The following RAPH1 variants were observed in gnomAD, a reference collection of about 807,000 sequenced individuals.
RAPH1 encodes the protein ras-associated and pleckstrin homology domains-containing protein 1.
In RAPH1, 18 loss-of-function variants were observed where a neutral mutation model predicts 88.1. The ratio of observed to expected loss-of-function variants is 0.20; its 90% CI spans 0.14 to 0.30. The LOEUF is 0.30. Among genes scored for constraint, RAPH1 ranks in the 10% least tolerant of loss-of-function variants. The probability of loss-of-function intolerance (pLI) is 1.00; values close to 1 mark genes in which losing one functional copy is unlikely to be tolerated. For missense variants in RAPH1, 1,448 were observed against 1,543.2 expected, an observed-to-expected ratio of 0.94 and a Z score of 1.03; for synonymous variants, 587 against 559.0, an observed-to-expected ratio of 1.05 and a Z score of -0.71.
rs1398874159 is a variant in RAPH1, at chr2:203,438,647, A to G, written c.*790T>C. ...TCCAGAATTATAGCACTAATTATCC[A>G]TGTATTGTAGGCAAAGAGCTTATCT... On this transcript the variant is annotated 3_prime_UTR_variant, in exon 14 of 14. Coordinates refer to ENST00000319170, the MANE Select transcript of RAPH1 (RefSeq NM_213589.3). 6.1e-6 allele frequency: 1 copy of G among 164,390 alleles called. No individual in the cohort carries two copies. Among genetic ancestry groups the G allele is most frequent in the African/African-American group, 2.4e-5 (1 of 41,562 alleles). The allele number at this position is 164,390 out of a possible 1,614,324, so 10.2% of individuals were successfully genotyped here.
At chr2:203,480,409 G>A (rs1444413009) in intron 4 of RAPH1, among the ~76,000 whole-genome samples, 1 of 152,182 alleles carries the variant, frequency 6.6e-6, no homozygotes, top group African/African-American at 2.4e-5. Context: ...CAGGCCGGGT[G>A]TGGTGGTGCG....
At chr2:203,529,930 G>A (rs1477486264) in intron 1 of RAPH1, among the ~76,000 whole-genome samples, 2 of 151,972 alleles carry the variant, frequency 1.3e-5, no homozygotes, top group African/African-American at 4.8e-5. Context: ...TGGTCCCTGC[G>A]TCTTCAGTGT....
intron 1 of RAPH1, among the ~76,000 whole-genome samples, chr2:203,533,977 C>A (rs901693663): frequency 6.6e-6 from 1 of 152,204 alleles, no homozygotes; most frequent in Non-Finnish European, 1.5e-5. Flanking sequence ...GTTTCCCCCA[C>A]TCCGAAGAGC....
chr2:203,445,500 CTAGTGCGAAGTGTG>C (rs2098508662), intron 12 of RAPH1: 1 of 153,406 alleles, frequency 6.5e-6, no homozygotes, highest in Non-Finnish European at 1.4e-5. Flanking sequence ...ATTTGACCCT[CTAGTGCGAAGTGTG>C]TTTCCTAGGG....
At chr2:203,509,598 T>A (rs901982005) in intron 1 of RAPH1, among the ~76,000 whole-genome samples, 3 of 152,218 alleles carry the variant, frequency 2.0e-5, no homozygotes, top group Non-Finnish European at 4.4e-5. Context: ...GCATTATTCA[T>A]TAACATATTT....
intron 1 of RAPH1, among the ~76,000 whole-genome samples, chr2:203,523,366 C>T (rs1230731782): frequency 6.8e-6 from 1 of 147,954 alleles, no homozygotes; most frequent in East Asian, 2.1e-4. Context: ...GCACTCTGGC[C>T]TGGGTGAAAG....
In RAPH1 at chr2:203,455,458, A is replaced by G. The variant is rs2098518535; in HGVS notation, c.1281T>C (p.Tyr427=). 6.2e-7 allele frequency: 1 copy of G among 1,613,728 alleles called. No individual in the cohort carries two copies. The highest frequency in any genetic ancestry group is 8.5e-7 in the Non-Finnish European group (1 of 1,179,856). ...YFLLRASGIY[Y]VPKGKAKVSR... ...ACACCTTTGCTTTTCCTTTGGGAAC[A>G]TAGTAGATACCAGATGCTCGCAAGA... The change falls in exon 9 of 14, where the codon TAT becomes TAC. Residue 427 remains tyrosine, a synonymous_variant. Coordinates refer to ENST00000319170, the MANE Select transcript of RAPH1 (RefSeq NM_213589.3).
intron 1 of RAPH1, among the ~76,000 whole-genome samples, chr2:203,505,479 G>C (rs1416304155): frequency 6.6e-6 from 1 of 152,102 alleles, no homozygotes; most frequent in Admixed American, 6.6e-5. Context: ...GAGGAATTCT[G>C]AGAGATACAA....
chr2:203,444,961 G>A lies in RAPH1; in HGVS notation c.1683C>T (p.Thr561=), dbSNP rs137885828. The A allele has an allele frequency of 1.9e-6, 3 of 1,613,912 alleles. No individual in the cohort carries two copies. In the African/African-American group the frequency reaches 4.0e-5, roughly 22 times the overall value. Residue 561 remains threonine (T), a synonymous_variant, in exon 13 of 14, where the codon ACC becomes ACT. Coordinates refer to ENST00000319170, the MANE Select transcript of RAPH1 (RefSeq NM_213589.3). The part of the protein sequence containing the change: ...SNQSDSGVSD[T]QPAGHVRSQS... ...GGGAACGGACGTGTCCTGCTGGCTG[G>A]GTGTCAGAAACTCCGCTATCAGACT...
intron 1 of RAPH1, among the ~76,000 whole-genome samples, chr2:203,512,621 C>CTTTT (rs1201403582): frequency 4.0e-5 from 5 of 125,886 alleles, no homozygotes; most frequent in African/African-American, 9.9e-5. Flanking sequence ...CATCCCTTAC[C>CTTTT]TTTTTTTTTT....
chr2:203,475,069 C>T (rs2105755158), intron 4 of RAPH1, among the ~76,000 whole-genome samples: 1 of 152,168 alleles, frequency 6.6e-6, no homozygotes, highest in Non-Finnish European at 1.5e-5. Context: ...CGAGATGGCA[C>T]CACTGTACTA....
chr2:203,477,146 G>A (rs748310796), intron 4 of RAPH1: 1 of 1,613,848 alleles, frequency 6.2e-7, no homozygotes, highest in South Asian at 1.1e-5. Flanking sequence ...ACATCTCAGA[G>A]AAATAGCATG....
Position 203,439,764 on chromosome 2 carries a change from T to G in RAPH1, c.3426A>C (p.Pro1142=). 6.2e-7 allele frequency: 1 copy of G among 1,614,166 alleles called. No homozygotes were observed. Among genetic ancestry groups the G allele is most frequent in the Non-Finnish European group, 8.5e-7 (1 of 1,180,040 alleles). ...RLTQAEISEQ[P]TMATVVPQVP... is the part of the protein sequence containing the mutation. ...CTTGTGGCACAACTGTGGCCATTGT[T>G]GGCTGCTCAGAAATCTCAGCTTGAG... is the stretch of plus-strand genomic sequence containing the variant. The change falls in exon 14 of 14, where the codon CCA becomes CCC. Residue 1142 remains proline, a synonymous_variant. Coordinates refer to ENST00000319170, the MANE Select transcript of RAPH1 (RefSeq NM_213589.3).
At chr2:203,481,696 A>G (rs1176632830) in intron 4 of RAPH1, among the ~76,000 whole-genome samples, 3 of 149,104 alleles carry the variant, frequency 2.0e-5, no homozygotes, top group African/African-American at 7.4e-5. Flanking sequence ...GATTCAAGTG[A>G]TTCTCCTGCC....
At chr2:203,469,426 C>T (rs1426143564) in intron 4 of RAPH1, among the ~76,000 whole-genome samples, 1 of 152,130 alleles carries the variant, frequency 6.6e-6, no homozygotes, top group Non-Finnish European at 1.5e-5. Context: ...TCATTTTGGT[C>T]TACCATCTTC....
Position 203,439,569 on chromosome 2 carries a change from A to T in RAPH1, c.3621T>A (p.Pro1207=). The change falls in exon 14 of 14, where the codon CCT becomes CCA. Residue 1207 remains proline, a synonymous_variant. Transcript: ENST00000319170. The part of the protein sequence containing the change: ...MDDMALPPPP[P]ELLSDQQKAG... ...CCTTCTGTTGATCAGACAGCAGTTC[A>T]GGGGGTGGTGGAGGCAATGCCATAT... 6.2e-7 allele frequency: 1 copy of T among 1,614,130 alleles called. No individual in the cohort carries two copies. Among genetic ancestry groups the T allele is most frequent in the Non-Finnish European group, 8.5e-7 (1 of 1,180,018 alleles).
At chr2:203,469,386 T>A (rs2098531196) in intron 4 of RAPH1, among the ~76,000 whole-genome samples, 1 of 152,224 alleles carries the variant, frequency 6.6e-6, no homozygotes, top group Non-Finnish European at 1.5e-5. Flanking sequence ...TTAAAGGGTC[T>A]TTTCTTTGAG....
At chr2:203,450,237 GA>G (rs1214596283) in intron 10 of RAPH1, among the ~76,000 whole-genome samples, 10 of 147,310 alleles carry the variant, frequency 6.8e-5, no homozygotes, top group South Asian at 2.2e-4. Flanking sequence ...TACAATGAGG[GA>G]AAAAAAAAAG....
chr2:203,530,319 A>G (rs1690332244), intron 1 of RAPH1, among the ~76,000 whole-genome samples: 1 of 152,204 alleles, frequency 6.6e-6, no homozygotes, highest in Non-Finnish European at 1.5e-5. Flanking sequence ...GTTCAAATAC[A>G]TTATGTTAAT....
Sources: gnomAD v4.1 joint callset for allele counts (sites outside exome capture counted in the v4.1 genomes callset) on GRCh38, gnomAD v4.1.1 for gene constraint, MANE v1.5 for transcripts, NCBI Gene and HGNC (gene_info 2026-07-23, HGNC 2026-07-21) for gene names.